LANCL2: variants seen among roughly 807,000 people sequenced by gnomAD.
The protein encoded by LANCL2 is lanC-like protein 2.
A neutral mutation model predicts 56.9 loss-of-function variants in LANCL2; 33 were observed. That is an observed-to-expected ratio of 0.58 (90% CI 0.44 to 0.78). The LOEUF (loss-of-function observed/expected upper bound fraction) is 0.78, where lower values mean the gene tolerates loss of function less well. Among genes scored for constraint, LANCL2 ranks in the 30% least tolerant of loss-of-function variants. The pLI, the probability that LANCL2 is intolerant of heterozygous loss-of-function variation, is 0.00. For synonymous variants in LANCL2, 233 were observed against 228.2 expected, an observed-to-expected ratio of 1.02 and a Z score of -0.19; for missense variants, 562 against 580.2, an observed-to-expected ratio of 0.97 and a Z score of 0.32.
At position 55,398,565 on chromosome 7, in the gene LANCL2, G is replaced by T; in HGVS notation, c.465G>T (p.Leu155=). The T allele has an allele frequency of 6.2e-7, 1 of 1,614,184 alleles. No individual in the cohort carries two copies. The highest frequency in any genetic ancestry group is 1.1e-5 in the South Asian group (1 of 91,084). ...TCCTCTGTGGGGATGCTGGCCCCCT[G>T]GCTGTTGGAGCTGTGATTTATCACA... ...VTFLCGDAGP[L]AVGAVIYHKL... The change falls in exon 3 of 9, where the codon CTG becomes CTT. Residue 155 remains leucine, a synonymous_variant. Transcript: ENST00000254770.
intron 1 of LANCL2, among the ~76,000 whole-genome samples, chr7:55,380,159 A>G (rs1488325771): frequency 3.3e-5 from 5 of 152,224 alleles, no homozygotes; most frequent in Non-Finnish European, 5.9e-5. Flanking sequence ...TTGCCTACCT[A>G]TTTTAGTCTT....
At chr7:55,367,247 A>C (rs1442965545) in intron 1 of LANCL2, among the ~76,000 whole-genome samples, 2 of 152,210 alleles carry the variant, frequency 1.3e-5, no homozygotes, top group Non-Finnish European at 2.9e-5. Context: ...GTAAAACCGT[A>C]CCTTTACCAG....
At chr7:55,426,151 G>C (rs1043419707) in intron 7 of LANCL2, among the ~76,000 whole-genome samples, 1 of 152,170 alleles carries the variant, frequency 6.6e-6, no homozygotes, top group Non-Finnish European at 1.5e-5. Context: ...TCACTCAGTT[G>C]CTCATTGTAT....
chr7:55,400,136 T>A, intron 4 of LANCL2, 32 bp downstream of exon 4: 1 of 1,512,224 alleles, frequency 6.6e-7, no homozygotes, highest in Non-Finnish European at 9.0e-7. Context: ...TATGGGCGTC[T>A]CTACCATTCA....
rs1790753020 is a variant in LANCL2, at chr7:55,433,266, A to G, written c.*1946A>G. On this transcript the variant is annotated 3_prime_UTR_variant, in exon 9 of 9. Coordinates refer to ENST00000254770, the MANE Select transcript of LANCL2 (RefSeq NM_018697.4). The stretch of plus-strand genomic sequence containing the variant: ...CATCCACACACGTTTGAAAAACACT[A>G]TTAGTCTTTCTAACACACTGAGGGA... 6.6e-6 allele frequency: 1 copy of G among 152,256 alleles called. No homozygotes were observed. The highest frequency in any genetic ancestry group is 1.5e-5 in the Non-Finnish European group (1 of 68,046). The allele number at this position is 152,256 out of a possible 1,614,324, so 9.4% of individuals were successfully genotyped here.
At chr7:55,372,882 C>G (rs1287810746) in intron 1 of LANCL2, among the ~76,000 whole-genome samples, 2 of 152,112 alleles carry the variant, frequency 1.3e-5, no homozygotes, top group East Asian at 3.8e-4. Flanking sequence ...CCAATAGTTT[C>G]CAGATTTCTG....
intron 1 of LANCL2, among the ~76,000 whole-genome samples, chr7:55,372,705 G>A (rs1789956815): frequency 6.6e-6 from 1 of 152,082 alleles, no homozygotes; most frequent in Non-Finnish European, 1.5e-5. Context: ...TTGTATTAGA[G>A]TATAAAATGT....
chr7:55,417,129 G>T (rs369945321), intron 6 of LANCL2, among the ~76,000 whole-genome samples: 1 of 151,870 alleles, frequency 6.6e-6, no homozygotes, highest in African/African-American at 2.4e-5. Context: ...ACAGGCGCCC[G>T]TCACCACGCC....
At chr7:55,390,209 C>A (rs7805696) in intron 1 of LANCL2, among the ~76,000 whole-genome samples, 53,583 of 151,984 alleles carry the variant, frequency 0.35, 9,933 homozygotes, top group African/African-American at 0.43. Context: ...ACAGAACTTC[C>A]AAATATATGA....
chr7:55,418,185 G>T (rs1562868926), intron 6 of LANCL2, among the ~76,000 whole-genome samples: 3 of 148,066 alleles, frequency 2.0e-5, no homozygotes, highest in South Asian at 4.2e-4. Flanking sequence ...ATACAATTGC[G>T]TTTTTTTTTT....
intron 2 of LANCL2, among the ~76,000 whole-genome samples, chr7:55,392,424 C>G (rs1464063025): frequency 6.7e-6 from 1 of 149,544 alleles, no homozygotes; most frequent in Non-Finnish European, 1.5e-5. Context: ...AATCACAGCT[C>G]TCTACAGCCT....
rs1208143895 is a variant in LANCL2, at chr7:55,402,658, C to T, written c.825+1338C>T. ...GCTGGCTGGGCGGGGGGCTAACCCC[C>T]CCACCTCCCTTCCGGACGGGGCGGC... On this transcript the variant is annotated intron_variant, in intron 5 of 8. Transcript: ENST00000254770. Among the ~76,000 whole-genome samples, 2 of 120,412 alleles carry T rather than the reference C, an allele frequency of 1.7e-5. 1 individual carries two copies. The highest frequency in any genetic ancestry group is 3.7e-5 in the Non-Finnish European group (2 of 53,826). The allele number at this position is 120,412 out of a possible 152,430, so 79.0% of individuals were successfully genotyped here.
intron 4 of LANCL2, 102 bp downstream of exon 4, chr7:55,400,206 C>A: frequency 9.6e-7 from 1 of 1,042,414 alleles, no homozygotes; most frequent in Non-Finnish European, 1.3e-6. Flanking sequence ...GGTAGCATTA[C>A]TTTTTTAAAG....
At chr7:55,402,440 T>A (rs1790346250) in intron 5 of LANCL2, among the ~76,000 whole-genome samples, 1 of 103,112 alleles carries the variant, frequency 9.7e-6, no homozygotes. Flanking sequence ...CCCCACCACC[T>A]CCCTCCCGGA....
At chr7:55,430,320 C>T (rs929960597) in intron 8 of LANCL2, among the ~76,000 whole-genome samples, 4 of 152,162 alleles carry the variant, frequency 2.6e-5, no homozygotes, top group Non-Finnish European at 5.9e-5. Flanking sequence ...TATGAACAGG[C>T]ACAGAACGTG....
At chr7:55,410,862 A>C (rs1790462563) in intron 5 of LANCL2, among the ~76,000 whole-genome samples, 1 of 151,584 alleles carries the variant, frequency 6.6e-6, no homozygotes, top group South Asian at 2.1e-4. Flanking sequence ...TAAGGATGTC[A>C]TGTGCTAATG....
At chr7:55,395,173 A>AGTTCCAGGGATTTGTCT (rs1790236425) in intron 2 of LANCL2, among the ~76,000 whole-genome samples, 1 of 152,268 alleles carries the variant, frequency 6.6e-6, no homozygotes, top group Non-Finnish European at 1.5e-5. Context: ...TTGTCCTATT[A>AGTTCCAGGGATTTGTCT]ATAGTTGATA....
At chr7:55,368,683 G>A (rs1335166500) in intron 1 of LANCL2, among the ~76,000 whole-genome samples, 1 of 151,700 alleles carries the variant, frequency 6.6e-6, no homozygotes, top group Non-Finnish European at 1.5e-5. Flanking sequence ...GGGTGTTATG[G>A]GTTGAATTGT....
chr7:55,390,536 G>A (rs1405592679), intron 1 of LANCL2, among the ~76,000 whole-genome samples: 1 of 152,176 alleles, frequency 6.6e-6, no homozygotes, highest in Non-Finnish European at 1.5e-5. Context: ...AAGCCAGGAG[G>A]CAGAGGTTGC....
Sources: gnomAD v4.1 joint callset for allele counts (sites outside exome capture counted in the v4.1 genomes callset) on GRCh38, gnomAD v4.1.1 for gene constraint, MANE v1.5 for transcripts, NCBI Gene and HGNC (gene_info 2026-07-23, HGNC 2026-07-21) for gene names.